The following PLPP1 variants were observed in gnomAD, a reference collection of about 807,000 sequenced individuals.
The protein encoded by PLPP1 is lipid phosphate phosphohydrolase 1a.
A neutral mutation model predicts 31.2 loss-of-function variants in PLPP1; 24 were observed. The ratio of observed to expected loss-of-function variants is 0.77; its 90% confidence interval spans 0.56 to 1.08. The LOEUF is 1.08. PLPP1 is among the 50% of genes least tolerant of loss of function. The probability of loss-of-function intolerance (pLI) is 0.00; values close to 1 mark genes in which losing one functional copy is unlikely to be tolerated. For synonymous variants in PLPP1, 146 were observed against 126.3 expected, an observed-to-expected ratio of 1.16 and a Z score of -1.05; for missense variants, 319 against 342.7, an observed-to-expected ratio of 0.93 and a Z score of 0.55.
At chr5:55,429,945 AG>A in intron 4 of PLPP1, among the ~76,000 whole-genome samples, 1 of 152,194 alleles carries the variant, frequency 6.6e-6, no homozygotes, top group South Asian at 2.1e-4. Flanking sequence ...CACACCACTG[AG>A]GGACCTATCC....
chr5:55,477,188 T>C (rs1170897461), intron 1 of PLPP1, among the ~76,000 whole-genome samples: 1 of 152,180 alleles, frequency 6.6e-6, no homozygotes, highest in African/African-American at 2.4e-5. Context: ...ACATATACCA[T>C]GGTTACAATA....
At chr5:55,519,176 T>C (rs1338611615) in intron 1 of PLPP1, among the ~76,000 whole-genome samples, 1 of 152,172 alleles carries the variant, frequency 6.6e-6, no homozygotes, top group African/African-American at 2.4e-5. Context: ...AATTTTAATA[T>C]AGATATCCAC....
At position 55,425,004 on chromosome 5, in the gene PLPP1, T is replaced by G. The variant is rs1751132944; in HGVS notation, c.*202A>C. 2 of 754,146 alleles carry G rather than the reference T, an allele frequency of 2.7e-6. No individual in the cohort carries two copies. 46.7% of individuals were successfully genotyped at this position (754,146 alleles called of 1,614,324 possible). A position where few individuals can be genotyped will look rare whatever the true frequency, so the allele number is the denominator to read the frequency against. On this transcript the variant is annotated 3_prime_UTR_variant, in exon 6 of 6. Coordinates refer to ENST00000307259, the MANE Select transcript of PLPP1 (RefSeq NM_003711.4). Reference sequence around the variant, plus strand: ...CACTGTTTTGGTGGAAGGCTTGGAGTTTTTTTAATGAGTTTAGAGCTATTA... The same window carrying G: ...CACTGTTTTGGTGGAAGGCTTGGAGGTTTTTTAATGAGTTTAGAGCTATTA...
chr5:55,519,311 A>G (rs905240044), intron 1 of PLPP1, among the ~76,000 whole-genome samples: 3 of 151,498 alleles, frequency 2.0e-5, no homozygotes, highest in African/African-American at 7.4e-5. Flanking sequence ...AAAGGAGCAC[A>G]TTTAAAACTC....
chr5:55,455,157 A>T (rs544134673), intron 3 of PLPP1, among the ~76,000 whole-genome samples: 2 of 152,342 alleles, frequency 1.3e-5, no homozygotes, highest in East Asian at 3.9e-4. Flanking sequence ...ATACAGCCAG[A>T]GATCAGTTAC....
chr5:55,534,715 G>A lies in PLPP1; in HGVS notation c.-86C>T, dbSNP rs1740824102. The A allele has an allele frequency of 1.5e-6, 2 of 1,358,950 alleles. No individual in the cohort carries two copies. Among genetic ancestry groups the A allele is most frequent in the Non-Finnish European group, 2.0e-6 (2 of 1,005,722 alleles). 84.2% of individuals were successfully genotyped at this position (1,358,950 alleles called of 1,614,324 possible). ...CCCTTGATTCTCGAGCCCGGGCCGG[G>A]GCTGGCGACGGCCCCGAGCTACGGC... On this transcript the variant is annotated 5_prime_UTR_variant, in exon 1 of 6. Coordinates refer to ENST00000307259, the MANE Select transcript of PLPP1 (RefSeq NM_003711.4).
At chr5:55,461,568 A>G (rs1252297935) in intron 3 of PLPP1, among the ~76,000 whole-genome samples, 1 of 151,980 alleles carries the variant, frequency 6.6e-6, no homozygotes, top group African/African-American at 2.4e-5. Flanking sequence ...ATACCCATTC[A>G]TGATAAAAAT....
chr5:55,451,572 C>A (rs879565429), intron 3 of PLPP1, among the ~76,000 whole-genome samples: 2 of 107,302 alleles, frequency 1.9e-5, no homozygotes, highest in African/African-American at 3.4e-5. Flanking sequence ...TTTTTTTTTT[C>A]TTTTTTTGAG....
chr5:55,530,458 G>A, intron 1 of PLPP1: 1 of 1,246,834 alleles, frequency 8.0e-7, no homozygotes. Context: ...GTATTCTCTT[G>A]GTAAGTTTCT....
intron 5 of PLPP1, 77 bp from the exon 6 acceptor site, chr5:55,425,411 TAAGATA>T (rs1455739679): frequency 7.7e-7 from 1 of 1,305,642 alleles, no homozygotes; most frequent in African/African-American, 1.5e-5. Flanking sequence ...AACAGCATCC[TAAGATA>T]AATATAAACA....
chr5:55,441,498 G>C (rs1214496273), intron 4 of PLPP1, among the ~76,000 whole-genome samples: 1 of 152,220 alleles, frequency 6.6e-6, no homozygotes, highest in Non-Finnish European at 1.5e-5. Flanking sequence ...CACCACAGCA[G>C]AGCCCAGAAG....
At chr5:55,430,038 T>G (rs1474227156) in intron 4 of PLPP1, among the ~76,000 whole-genome samples, 1 of 151,882 alleles carries the variant, frequency 6.6e-6, no homozygotes. Flanking sequence ...TGAGCACTCC[T>G]CCCAGGGGCC....
chr5:55,425,121 AG>A lies in PLPP1; in HGVS notation c.*84del, dbSNP rs1751137905. ...AGAAGTCTTTAAAGGCTTGTACACC[AG>A]GAAGAAAGATGCATCCTCTTGCCTT... On this transcript the variant is annotated 3_prime_UTR_variant, in exon 6 of 6. Coordinates refer to ENST00000307259, the MANE Select transcript of PLPP1 (RefSeq NM_003711.4). The A allele has an allele frequency of 6.7e-7, 1 of 1,494,122 alleles. No homozygotes were observed. The highest frequency in any genetic ancestry group is 1.4e-5 in the African/African-American group (1 of 71,024). The allele number at this position is 1,494,122 out of a possible 1,614,324, so 92.6% of individuals were successfully genotyped here.
intron 1 of PLPP1, among the ~76,000 whole-genome samples, chr5:55,486,697 G>A (rs549634041): frequency 4.6e-5 from 7 of 151,998 alleles, no homozygotes; most frequent in South Asian, 2.1e-4. Context: ...GGCAGATCAC[G>A]AGGTCAGGAG....
chr5:55,532,875 G>A (rs898953740), intron 1 of PLPP1, among the ~76,000 whole-genome samples: 1 of 150,348 alleles, frequency 6.7e-6, no homozygotes, highest in African/African-American at 2.5e-5. Context: ...AGAACTGCTT[G>A]AACCCGGGAA....
chr5:55,445,013 G>A (rs1007558223), intron 3 of PLPP1, among the ~76,000 whole-genome samples: 2 of 152,270 alleles, frequency 1.3e-5, no homozygotes, highest in Non-Finnish European at 2.9e-5. Flanking sequence ...GCCTCCCAAA[G>A]TACTGGGATT....
intron 4 of PLPP1, among the ~76,000 whole-genome samples, chr5:55,433,585 C>T (rs180679387): frequency 6.8e-6 from 1 of 147,430 alleles, no homozygotes; most frequent in East Asian, 2.1e-4. Context: ...CTGCAACTTC[C>T]GCCTCCCAGG....
At chr5:55,441,935 C>T (rs1451287821) in intron 3 of PLPP1, 27 bp from the exon 4 acceptor site, 3 of 1,605,560 alleles carry the variant, frequency 1.9e-6, no homozygotes, top group Non-Finnish European at 2.6e-6. Flanking sequence ...ACAAATGTTA[C>T]TTTTCTCTCT....
intron 1 of PLPP1, among the ~76,000 whole-genome samples, chr5:55,486,919 A>G (rs570622881): frequency 1.3e-5 from 2 of 152,184 alleles, no homozygotes; most frequent in Non-Finnish European, 2.9e-5. Flanking sequence ...CCTCAAAAAA[A>G]AAAAAGTGAT....
Sources: allele counts gnomAD v4.1 joint callset (sites outside exome capture counted in the v4.1 genomes callset), GRCh38; gene constraint gnomAD v4.1.1; transcripts MANE v1.5; gene names NCBI Gene and HGNC (gene_info 2026-07-23, HGNC 2026-07-21).